PITPNC1: variants seen among roughly 807,000 people sequenced by gnomAD.
PITPNC1 encodes the protein phosphatidylinositol transfer protein cytoplasmic 1, also known as cytoplasmic phosphatidylinositol transfer protein 1.
PITPNC1 carries 18 observed loss-of-function variants against 44.7 expected under a neutral mutation model. That is an observed-to-expected ratio of 0.40 (90% CI 0.28 to 0.60). PITPNC1 has a LOEUF of 0.60. Ranked by LOEUF, PITPNC1 falls within the 20% of genes least tolerant of loss-of-function variation. The probability of loss-of-function intolerance (pLI) is 0.39; values close to 1 mark genes in which losing one functional copy is unlikely to be tolerated. For missense variants in PITPNC1, 290 were observed against 418.4 expected (o/e 0.69, Z 2.68); for synonymous variants, 141 against 149.6 (o/e 0.94, Z 0.42).
intron 5 of PITPNC1, among the ~76,000 whole-genome samples, chr17:67,592,465 A>G (rs1168344645): frequency 1.3e-5 from 2 of 152,212 alleles, no homozygotes; most frequent in African/African-American, 2.4e-5. Context: ...ATTCCAATCA[A>G]CATCTCAACA....
At chr17:67,392,569 C>T (rs56855081) in intron 1 of PITPNC1, among the ~76,000 whole-genome samples, 2,489 of 152,022 alleles carry the variant, frequency 0.016, 70 homozygotes, top group African/African-American at 0.057. Context: ...AAATTTAACA[C>T]GATTATTATT....
chr17:67,577,583 TTTAAAAA>T (rs2041166619), intron 4 of PITPNC1, among the ~76,000 whole-genome samples: 1 of 150,974 alleles, frequency 6.6e-6, no homozygotes, highest in Admixed American at 6.6e-5. Flanking sequence ...AATAATAAAA[TTTAAAAA>T]TTAAAAATAA....
At chr17:67,642,619 A>G (rs2042104125) in intron 6 of PITPNC1, among the ~76,000 whole-genome samples, 1 of 152,214 alleles carries the variant, frequency 6.6e-6, no homozygotes, top group African/African-American at 2.4e-5. Flanking sequence ...TTCCCAAGGA[A>G]CAATGAGGTG....
chr17:67,651,809 T>C (rs2042212484), intron 6 of PITPNC1, among the ~76,000 whole-genome samples: 1 of 152,188 alleles, frequency 6.6e-6, no homozygotes, highest in South Asian at 2.1e-4. Context: ...TAATAAGTGG[T>C]CTTTGGGGAC....
At chr17:67,593,101 A>G (rs2041414210) in intron 5 of PITPNC1, among the ~76,000 whole-genome samples, 4 of 152,324 alleles carry the variant, frequency 2.6e-5, no homozygotes, top group Admixed American at 2.6e-4. Flanking sequence ...AAATTCCAAA[A>G]GTGTTTACAA....
chr17:67,456,824 G>A (rs1050047067), intron 1 of PITPNC1, among the ~76,000 whole-genome samples: 8 of 152,030 alleles, frequency 5.3e-5, no homozygotes, highest in Admixed American at 1.3e-4. Flanking sequence ...ATACTTTAGT[G>A]CATTTTAGTA....
At chr17:67,599,774 G>C (rs1401023481) in intron 5 of PITPNC1, among the ~76,000 whole-genome samples, 1 of 152,192 alleles carries the variant, frequency 6.6e-6, no homozygotes, top group African/African-American at 2.4e-5. Context: ...TGGATCAGAA[G>C]GGGACTTAGA....
intron 1 of PITPNC1, among the ~76,000 whole-genome samples, chr17:67,390,981 G>A (rs2038129505): frequency 6.6e-6 from 1 of 152,084 alleles, no homozygotes; most frequent in Admixed American, 6.5e-5. Context: ...CTCATCGGAC[G>A]TTAGTGGAAG....
intron 1 of PITPNC1, among the ~76,000 whole-genome samples, chr17:67,494,185 T>TTCTTTCTCTTTC: frequency 3.9e-5 from 4 of 102,428 alleles, no homozygotes; most frequent in Middle Eastern, 4.7e-3. Flanking sequence ...CTTTCTTTCT[T>TTCTTTCTCTTTC]TTTCTTTCTT....
At chr17:67,569,758 C>G (rs1234103459) in intron 4 of PITPNC1, among the ~76,000 whole-genome samples, 3 of 152,170 alleles carry the variant, frequency 2.0e-5, no homozygotes, top group Non-Finnish European at 4.4e-5. Context: ...GACTCCCTGA[C>G]TTCTTCCTAA....
chr17:67,401,926 C>T (rs2047788444), intron 1 of PITPNC1, among the ~76,000 whole-genome samples: 2 of 152,094 alleles, frequency 1.3e-5, no homozygotes, highest in African/African-American at 2.4e-5. Flanking sequence ...CTCTCAATTC[C>T]TTCAGATTGA....
chr17:67,416,400 G>C (rs28600221), intron 1 of PITPNC1, among the ~76,000 whole-genome samples: 1 of 151,558 alleles, frequency 6.6e-6, no homozygotes, highest in Non-Finnish European at 1.5e-5. Context: ...GTTTTTAGTA[G>C]AGATGGGATT....
intron 1 of PITPNC1, among the ~76,000 whole-genome samples, chr17:67,462,475 A>T (rs1009901088): frequency 9.9e-5 from 15 of 151,934 alleles, no homozygotes; most frequent in African/African-American, 3.6e-4. Flanking sequence ...CAGGTGATCC[A>T]TCCACCTCAG....
intron 1 of PITPNC1, among the ~76,000 whole-genome samples, chr17:67,447,214 A>G (rs2039110953): frequency 6.6e-6 from 1 of 151,656 alleles, no homozygotes; most frequent in Admixed American, 6.6e-5. Flanking sequence ...TCTATGACAG[A>G]CATCCGAACC....
chr17:67,399,341 T>G (rs1238506246), intron 1 of PITPNC1, among the ~76,000 whole-genome samples: 1 of 152,100 alleles, frequency 6.6e-6, no homozygotes. Context: ...TTGTTCTCAG[T>G]TGGTCGTTGT....
At chr17:67,512,705 G>A (rs546662865) in intron 1 of PITPNC1, among the ~76,000 whole-genome samples, 8 of 151,598 alleles carry the variant, frequency 5.3e-5, no homozygotes, top group Non-Finnish European at 1.0e-4. Flanking sequence ...CACATCTTTG[G>A]TGTCCAGGAT....
chr17:67,587,584 A>G (rs1045727873), intron 5 of PITPNC1, among the ~76,000 whole-genome samples: 10 of 152,200 alleles, frequency 6.6e-5, no homozygotes, highest in African/African-American at 2.2e-4. Context: ...GAGAGGAGTG[A>G]CAGAAAAGAG....
intron 1 of PITPNC1, among the ~76,000 whole-genome samples, chr17:67,484,954 A>C (rs891506363): frequency 6.6e-6 from 1 of 152,092 alleles, no homozygotes; most frequent in Non-Finnish European, 1.5e-5. Flanking sequence ...AAAACTTCCA[A>C]AACCATTTTT....
intron 2 of PITPNC1, among the ~76,000 whole-genome samples, chr17:67,534,404 G>A (rs1269707039): frequency 6.6e-6 from 1 of 152,084 alleles, no homozygotes; most frequent in Non-Finnish European, 1.5e-5. Flanking sequence ...TTGGGAGGCT[G>A]AAGGTGGTAG....
Sources: allele counts gnomAD v4.1 joint callset (sites outside exome capture counted in the v4.1 genomes callset), GRCh38; gene constraint gnomAD v4.1.1; transcripts MANE v1.5; gene names NCBI Gene and HGNC (gene_info 2026-07-23, HGNC 2026-07-21).